Variants in SLC4A8 observed in about 807,000 individuals in gnomAD.
SLC4A8 encodes the protein solute carrier family 4 member 8.
Under a neutral mutation model 125.0 loss-of-function variants are expected in SLC4A8, and 40 were observed. The ratio of observed to expected loss-of-function variants is 0.32; its 90% CI spans 0.25 to 0.42. The LOEUF (loss-of-function observed/expected upper bound fraction) is 0.42. SLC4A8 is among the 10% of genes least tolerant of loss of function. The pLI is 1.00. For synonymous variants in SLC4A8, 456 were observed against 476.0 expected (o/e 0.96, Z 0.55); for missense variants, 863 against 1,355.1 (o/e 0.64, Z 5.70).
intron 14 of SLC4A8, among the ~76,000 whole-genome samples, chr12:51,473,525 A>G (rs1421231811): frequency 6.6e-6 from 1 of 152,174 alleles, no homozygotes. Context: ...TATTATTCTA[A>G]CCTGTCGAGA....
intron 21 of SLC4A8, among the ~76,000 whole-genome samples, 180 bp downstream of exon 21, chr12:51,495,298 A>C (rs1276673314): frequency 6.6e-6 from 1 of 152,150 alleles, no homozygotes; most frequent in African/African-American, 2.4e-5. Flanking sequence ...TGCAAAGCTG[A>C]AACTCTGCAC....
intron 5 of SLC4A8, among the ~76,000 whole-genome samples, chr12:51,455,289 A>G (rs924536080): frequency 2.0e-5 from 3 of 151,906 alleles, no homozygotes; most frequent in Non-Finnish European, 4.4e-5. Flanking sequence ...AAAAAAAAGT[A>G]AAAGAAAGAA....
intron 21 of SLC4A8, 58 bp downstream of exon 21, chr12:51,495,176 A>G: frequency 7.1e-7 from 1 of 1,407,164 alleles, no homozygotes; most frequent in Non-Finnish European, 9.8e-7. Flanking sequence ...TAGTGGTAAA[A>G]TATTATAACT....
At chr12:51,408,230 TTTTG>T (rs1341214684) in intron 1 of SLC4A8, among the ~76,000 whole-genome samples, 3 of 151,806 alleles carry the variant, frequency 2.0e-5, no homozygotes, top group Admixed American at 6.6e-5. Context: ...CTATAATGGG[TTTTG>T]TTTGTTTGTT....
chr12:51,395,336 CTT>C (rs11368100), intron 1 of SLC4A8, among the ~76,000 whole-genome samples: 45 of 148,022 alleles, frequency 3.0e-4, no homozygotes, highest in South Asian at 1.3e-3. Flanking sequence ...CTATGAATTT[CTT>C]TTTTTTTTTT....
chr12:51,411,330 G>A (rs1948594230), intron 1 of SLC4A8, among the ~76,000 whole-genome samples: 1 of 152,076 alleles, frequency 6.6e-6, no homozygotes, highest in Non-Finnish European at 1.5e-5. Context: ...GCTCACACCT[G>A]TAATCCCAGC....
chr12:51,497,313 G>A, intron 22 of SLC4A8, 189 bp downstream of exon 22: 1 of 614,868 alleles, frequency 1.6e-6, no homozygotes, highest in Non-Finnish European at 2.7e-6. Flanking sequence ...TAATTTTTGG[G>A]TTTGACAACC....
chr12:51,488,558 C>A (rs1193916208), intron 17 of SLC4A8, 141 bp from the exon 18 acceptor site: 3 of 624,488 alleles, frequency 4.8e-6, no homozygotes, highest in Admixed American at 5.4e-5. Context: ...TAAGGAGTTG[C>A]TGTATTTCAT....
At position 51,400,811 on chromosome 12, in the gene SLC4A8, CAT is replaced by C. The variant is rs1444015051; in HGVS notation, c.-112+9328_-112+9329del. Among the ~76,000 whole-genome samples, 28 of 88,258 alleles carry C rather than the reference CAT, an allele frequency of 3.2e-4. 1 individual carries two copies. The highest frequency in any genetic ancestry group is 1.2e-3 in the African/African-American group (25 of 20,058). 57.9% of individuals were successfully genotyped at this position (88,258 alleles called of 152,430 possible). On this transcript the variant is annotated intron_variant, in intron 1 of 24. Coordinates refer to the SLC4A8 transcript ENST00000358657. ...ACACACACACACACACATATATAAA[CAT>C]ATATGTTTATATACGTATATAAACA...
intron 11 of SLC4A8, among the ~76,000 whole-genome samples, chr12:51,468,857 A>G (rs1410876093): frequency 6.6e-6 from 1 of 152,130 alleles, no homozygotes; most frequent in African/African-American, 2.4e-5. Context: ...TTCACACTGT[A>G]TTATCCACTC....
intron 22 of SLC4A8, among the ~76,000 whole-genome samples, chr12:51,498,379 A>G (rs1937665304): frequency 1.3e-5 from 2 of 152,130 alleles, no homozygotes; most frequent in Non-Finnish European, 2.9e-5. Flanking sequence ...TTGCCTTATG[A>G]CAAAAATTTC....
intron 11 of SLC4A8, among the ~76,000 whole-genome samples, chr12:51,465,716 T>TA (rs1950491041): frequency 6.6e-6 from 1 of 152,132 alleles, no homozygotes; most frequent in African/African-American, 2.4e-5. Context: ...TTAGAGCCCT[T>TA]AGTAAAGGGC....
chr12:51,448,090 C>G (rs1949840243), intron 2 of SLC4A8, among the ~76,000 whole-genome samples: 1 of 152,082 alleles, frequency 6.6e-6, no homozygotes, highest in Admixed American at 6.6e-5. Context: ...TATTTTCCCA[C>G]TGAATGTATA....
intron 3 of SLC4A8, 25 bp downstream of exon 3, chr12:51,451,047 G>A (rs1462112442): frequency 2.1e-6 from 3 of 1,451,908 alleles, no homozygotes; most frequent in African/African-American, 1.4e-5. Flanking sequence ...AGACAGGGCG[G>A]GTGTCCATGG....
At chr12:51,488,580 T>C (rs1159257724) in intron 17 of SLC4A8, 119 bp from the exon 18 acceptor site, 4 of 747,874 alleles carry the variant, frequency 5.3e-6, no homozygotes, top group Non-Finnish European at 8.3e-6. Context: ...CCTTTTTTTT[T>C]TTTTTTTAAG....
intron 2 of SLC4A8, among the ~76,000 whole-genome samples, chr12:51,448,616 T>G (rs1462461030): frequency 6.6e-6 from 1 of 152,124 alleles, no homozygotes; most frequent in Non-Finnish European, 1.5e-5. Flanking sequence ...GTAGTGCAAG[T>G]GAACCAGGGG....
intron 2 of SLC4A8, among the ~76,000 whole-genome samples, chr12:51,447,792 C>A (rs1949826340): frequency 6.7e-6 from 1 of 150,118 alleles, no homozygotes; most frequent in Admixed American, 6.6e-5. Flanking sequence ...TCTCTGCTCA[C>A]TGCAACCTCC....
At chr12:51,476,512 C>T (rs1020216932) in intron 16 of SLC4A8, among the ~76,000 whole-genome samples, 78 of 151,718 alleles carry the variant, frequency 5.1e-4, no homozygotes, top group African/African-American at 1.9e-3. Flanking sequence ...AAAAAGAGCA[C>T]AGTCATTTGA....
chr12:51,419,914 T>C (rs1245564447), upstream of SLC4A8, among the ~76,000 whole-genome samples: 3 of 152,212 alleles, frequency 2.0e-5, no homozygotes, highest in African/African-American at 7.2e-5. Context: ...CTCTCAGCTT[T>C]TGTGGCGCCT....
Sources: gnomAD v4.1 joint callset for allele counts (sites outside exome capture counted in the v4.1 genomes callset) on GRCh38, gnomAD v4.1.1 for gene constraint, MANE v1.5 for transcripts, NCBI Gene and HGNC (gene_info 2026-07-23, HGNC 2026-07-21) for gene names.